ALG9: variants seen among roughly 807,000 people sequenced by gnomAD.
The protein encoded by ALG9 is alpha-1,2-mannosyltransferase ALG9.
ALG9 carries 55 observed loss-of-function variants against 81.8 expected under a neutral mutation model. That is an observed-to-expected ratio of 0.67 (90% CI 0.54 to 0.84). The LOEUF (loss-of-function observed/expected upper bound fraction) is 0.84, where lower values mean the gene tolerates loss of function less well. ALG9 is among the 40% of genes least tolerant of loss of function. The pLI, the probability that ALG9 is intolerant of heterozygous loss-of-function variation, is 0.00. For synonymous variants in ALG9, 278 were observed against 274.3 expected, an observed-to-expected ratio of 1.01 and a Z score of -0.13; for missense variants, 629 against 745.0, an observed-to-expected ratio of 0.84 and a Z score of 1.81.
At chr11:111,822,591 T>C (rs1952607186) in intron 13 of ALG9, among the ~76,000 whole-genome samples, 2 of 151,790 alleles carry the variant, frequency 1.3e-5, no homozygotes, top group South Asian at 4.2e-4. Context: ...TGTGCACCTG[T>C]AGTCCCAGCT....
chr11:111,786,466 T>G lies in ALG9; in HGVS notation c.1788A>C (p.Thr596=), dbSNP rs1555064162. ...FYVPFLSDQY[T]VYVNYTILKP... is the part of the protein sequence containing the mutation. ...TGAGGATGGTGTAGTTTACGTACAC[T>G]GTATACTGATCTGACAGGAAGGGGA... The change falls in exon 15 of 15, where the codon ACA becomes ACC. Residue 596 remains threonine, a synonymous_variant. Transcript: ENST00000616540. The G allele has an allele frequency of 2.5e-6, 4 of 1,614,002 alleles. No individual in the cohort carries two copies. The highest frequency in any genetic ancestry group is 3.4e-6 in the Non-Finnish European group (4 of 1,180,004).
chr11:111,817,884 C>A (rs1555099340), intron 13 of ALG9, among the ~76,000 whole-genome samples: 1 of 150,876 alleles, frequency 6.6e-6, no homozygotes, highest in Admixed American at 6.6e-5. Flanking sequence ...TCAAGCGATT[C>A]TCCCCTGCCT....
rs782183793 is a variant in ALG9, at chr11:111,786,092, G to A, written c.*305C>T. 21 of 471,848 alleles carry A rather than the reference G, an allele frequency of 4.5e-5. No individual in the cohort carries two copies. The highest frequency in any genetic ancestry group is 3.2e-4 in the Middle Eastern group (1 of 3,148). 29.2% of individuals were successfully genotyped at this position (471,848 alleles called of 1,614,324 possible). On this transcript the variant is annotated 3_prime_UTR_variant, in exon 15 of 15. Coordinates refer to ENST00000616540, the MANE Select transcript of ALG9 (RefSeq NM_024740.2). Reference sequence around the variant, plus strand: ...CTGTAAGTTGGTTCTGCTCTTCTCCGGTCTAGTAAATAATTGAACAGAGGA... The same window carrying A: ...CTGTAAGTTGGTTCTGCTCTTCTCCAGTCTAGTAAATAATTGAACAGAGGA...
At chr11:111,837,871 C>T (rs1325635822) in intron 11 of ALG9, among the ~76,000 whole-genome samples, 1 of 152,098 alleles carries the variant, frequency 6.6e-6, no homozygotes, top group Admixed American at 6.5e-5. Flanking sequence ...TTCTTTTTAC[C>T]TTCATTTTCC....
At chr11:111,828,248 T>C (rs1555110477) in intron 13 of ALG9, among the ~76,000 whole-genome samples, 1 of 152,242 alleles carries the variant, frequency 6.6e-6, no homozygotes, top group African/African-American at 2.4e-5. Context: ...CATTGTCTTC[T>C]TGAGCCAGTG....
At chr11:111,808,740 C>G (rs1950274469) in intron 14 of ALG9, among the ~76,000 whole-genome samples, 1 of 152,266 alleles carries the variant, frequency 6.6e-6, no homozygotes, top group South Asian at 2.1e-4. Flanking sequence ...GGCTCCTGGG[C>G]TCTGCTCACC....
intron 14 of ALG9, among the ~76,000 whole-genome samples, chr11:111,790,412 T>C (rs1403271145): frequency 6.6e-6 from 1 of 152,132 alleles, no homozygotes; most frequent in African/African-American, 2.4e-5. Context: ...AAGAATTGCT[T>C]GGGCCCAGGA....
intron 13 of ALG9, among the ~76,000 whole-genome samples, chr11:111,827,917 G>T (rs921211865): frequency 6.6e-6 from 1 of 151,034 alleles, no homozygotes; most frequent in Admixed American, 6.6e-5. Flanking sequence ...TCCGGACGTG[G>T]TGGCTCACGT....
the ALG9 span, among the ~76,000 whole-genome samples, chr11:111,773,290 G>C: frequency 3.9e-5 from 6 of 151,956 alleles, no homozygotes; most frequent in Non-Finnish European, 8.8e-5. Flanking sequence ...TGTTGCCCAG[G>C]CTGTAGTACA....
chr11:111,788,514 T>C (rs1555067325), intron 14 of ALG9: 1 of 449,422 alleles, frequency 2.2e-6, no homozygotes, highest in Non-Finnish European at 4.4e-6. Flanking sequence ...GAGGCTGAGG[T>C]GGGAGGATTG....
intron 5 of ALG9, 29 bp downstream of exon 5, chr11:111,860,518 G>C: frequency 1.1e-5 from 17 of 1,591,320 alleles, no homozygotes; most frequent in Non-Finnish European, 1.5e-5. Flanking sequence ...GTGATGACCT[G>C]CAATTCCCTC....
intron 2 of ALG9, among the ~76,000 whole-genome samples, chr11:111,869,233 C>A (rs1447086861): frequency 9.2e-5 from 14 of 152,160 alleles, no homozygotes; most frequent in Non-Finnish European, 2.1e-4. Flanking sequence ...TATTTTTTCT[C>A]AATACTTGTT....
chr11:111,837,685 C>T, intron 11 of ALG9, 70 bp from the exon 12 acceptor site: 9 of 1,541,530 alleles, frequency 5.8e-6, no homozygotes, highest in South Asian at 4.6e-5. Flanking sequence ...TTATACTGCT[C>T]ATTAATGTCG....
intron 13 of ALG9, among the ~76,000 whole-genome samples, chr11:111,810,491 C>T (rs1555090270): frequency 6.6e-6 from 1 of 152,202 alleles, no homozygotes; most frequent in African/African-American, 2.4e-5. Flanking sequence ...TCCGGTGACT[C>T]TCGCCTGTAG....
intron 8 of ALG9, among the ~76,000 whole-genome samples, chr11:111,852,968 G>T (rs1289378557): frequency 6.6e-6 from 1 of 151,304 alleles, no homozygotes; most frequent in Non-Finnish European, 1.5e-5. Context: ...AATGTCTGGG[G>T]TATACTCCCA....
downstream of ALG9, chr11:111,778,346 TC>T (rs1555055872): frequency 2.0e-5 from 3 of 152,222 alleles, no homozygotes; most frequent in African/African-American, 7.2e-5. Flanking sequence ...ATTCTTTTTT[TC>T]CAGATGAGTT....
chr11:111,868,904 T>G (rs983361412), intron 2 of ALG9, among the ~76,000 whole-genome samples, 168 bp from the exon 3 acceptor site: 2 of 151,774 alleles, frequency 1.3e-5, no homozygotes, highest in African/African-American at 4.8e-5. Context: ...GCAGGCTGCT[T>G]GAGCCCAGTA....
chr11:111,868,607 T>C lies in ALG9; in HGVS notation c.400A>G (p.Asn134Asp). ...AAFHARILQT[N>D]KILVFYFLRC... ...CCAGGTTGGTCTGCCCTTACCTTAT[T>C]AGTTTGTAGAATTCTTGCATGAAAT... The change falls in exon 3 of 15, where the codon AAT becomes GAT. Residue 134 changes from asparagine (N) to aspartate (D), a missense_variant. By Grantham distance (23) the Asn-to-Asp change is conservative. This residue lies in a region of ALG9 where 344 missense variants were observed against 390.5 expected (regional missense o/e 0.88). Coordinates refer to ENST00000616540, the MANE Select transcript of ALG9 (RefSeq NM_024740.2). 2.5e-6 allele frequency: 4 copies of C among 1,613,936 alleles called. No individual in the cohort carries two copies. The highest frequency in any genetic ancestry group is 3.4e-6 in the Non-Finnish European group (4 of 1,179,844).
At chr11:111,864,407 G>GT in intron 4 of ALG9, 3 of 764,378 alleles carry the variant, frequency 3.9e-6, no homozygotes. Flanking sequence ...GCTGACTAGA[G>GT]TATCTTCAAG....
Sources: allele counts gnomAD v4.1 joint callset (sites outside exome capture counted in the v4.1 genomes callset), GRCh38; gene constraint gnomAD v4.1.1; regional missense constraint gnomAD v4.1.1; transcripts MANE v1.5; gene names NCBI Gene and HGNC (gene_info 2026-07-23, HGNC 2026-07-21).